PDE8B: variants seen among roughly 807,000 people sequenced by gnomAD.
PDE8B encodes phosphodiesterase 8B.
A neutral mutation model predicts 101.3 loss-of-function variants in PDE8B; 26 were observed. That is an observed-to-expected ratio of 0.26 (90% CI 0.19 to 0.36). The LOEUF is 0.36. Ranked by LOEUF, PDE8B falls within the 10% of genes least tolerant of loss-of-function variation. PDE8B has a pLI of 1.00. For synonymous variants in PDE8B, 424 were observed against 429.3 expected (o/e 0.99, Z 0.15); for missense variants, 810 against 1,163.1 (o/e 0.70, Z 4.42).
chr5:77,346,528 C>CTCCAGTTCT (rs1176040430), intron 7 of PDE8B, among the ~76,000 whole-genome samples: 1 of 152,158 alleles, frequency 6.6e-6, no homozygotes, highest in Admixed American at 6.5e-5. Flanking sequence ...CTCCAGTTAT[C>CTCCAGTTCT]AATTGGTGGT....
chr5:77,400,336 T>C (rs1791993696), intron 11 of PDE8B, 46 bp downstream of exon 11: 2 of 1,150,584 alleles, frequency 1.7e-6, no homozygotes, highest in African/African-American at 1.5e-5. Flanking sequence ...GAGGCAGCTG[T>C]GGGTTCAAAT....
chr5:77,236,956 C>T (rs1754817054), intron 1 of PDE8B, among the ~76,000 whole-genome samples: 1 of 152,098 alleles, frequency 6.6e-6, no homozygotes, highest in South Asian at 2.1e-4. Context: ...TATTTTGAAG[C>T]TCCGTTGTTT....
chr5:77,177,999 G>T, the PDE8B span, among the ~76,000 whole-genome samples: 1 of 152,152 alleles, frequency 6.6e-6, no homozygotes, highest in African/African-American at 2.4e-5. Flanking sequence ...CAGAACTCAG[G>T]CTAGTGGTTT....
chr5:77,361,122 C>T (rs1426337478), intron 10 of PDE8B, among the ~76,000 whole-genome samples: 2 of 152,190 alleles, frequency 1.3e-5, no homozygotes, highest in African/African-American at 4.8e-5. Flanking sequence ...GACATTTGTA[C>T]GTCTGTTTTA....
chr5:77,329,152 G>A, intron 4 of PDE8B, 95 bp downstream of exon 4: 2 of 928,920 alleles, frequency 2.2e-6, no homozygotes, highest in Non-Finnish European at 3.5e-6. Context: ...TAAGCAATGG[G>A]TGTGTCTTGG....
At chr5:77,393,196 C>T (rs1398154317) in intron 10 of PDE8B, among the ~76,000 whole-genome samples, 1 of 152,120 alleles carries the variant, frequency 6.6e-6, no homozygotes, top group African/African-American at 2.4e-5. Context: ...GAGTTGGAGA[C>T]TAGCTTGGCC....
At chr5:77,327,704 T>A (rs1048824116) in intron 3 of PDE8B, among the ~76,000 whole-genome samples, 3 of 152,232 alleles carry the variant, frequency 2.0e-5, no homozygotes, top group African/African-American at 7.2e-5. Flanking sequence ...GTGGGGTGGC[T>A]GACTGGGAAG....
chr5:77,163,981 C>G, the PDE8B span, among the ~76,000 whole-genome samples: 1 of 152,214 alleles, frequency 6.6e-6, no homozygotes, highest in South Asian at 2.1e-4. Flanking sequence ...AGGCCAACCT[C>G]TAATCTTACT....
At chr5:77,184,628 G>T in the PDE8B span, among the ~76,000 whole-genome samples, 1 of 152,134 alleles carries the variant, frequency 6.6e-6, no homozygotes, top group Non-Finnish European at 1.5e-5. Flanking sequence ...CTTTATGTGT[G>T]AGAAGTGGCT....
At chr5:77,322,826 C>T (rs930188122) in intron 2 of PDE8B, among the ~76,000 whole-genome samples, 7 of 150,084 alleles carry the variant, frequency 4.7e-5, no homozygotes, top group African/African-American at 1.5e-4. Context: ...TGTGCCTCTA[C>T]CACTACAATG....
the PDE8B span, chr5:77,144,420 TG>T: frequency 1.3e-5 from 2 of 152,304 alleles, no homozygotes; most frequent in African/African-American, 4.8e-5. Flanking sequence ...GAAAATTGCG[TG>T]GCTCCAAACG....
In PDE8B at chr5:77,211,349, G is replaced by T; in HGVS notation, c.339+85G>T. 1 of 1,328,238 alleles carries T rather than the reference G, an allele frequency of 7.5e-7. No individual in the cohort carries two copies. The highest frequency in any genetic ancestry group is 1.0e-6 in the Non-Finnish European group (1 of 983,466). 82.3% of individuals were successfully genotyped at this position (1,328,238 alleles called of 1,614,324 possible). A position where few individuals can be genotyped will look rare whatever the true frequency, so the allele number is the denominator to read the frequency against. ...ACGGGTAGGGGGCTCCGGCGGAGTTGGGTGACCGTGAGGCGGTTGGTTTGG... is the reference window on the plus strand; with the variant it reads ...ACGGGTAGGGGGCTCCGGCGGAGTTTGGTGACCGTGAGGCGGTTGGTTTGG... On this transcript the variant is annotated intron_variant, in intron 1 of 21. Coordinates refer to ENST00000264917, the MANE Select transcript of PDE8B (RefSeq NM_003719.5). This position sits in a 1 kb window ranked among gnomAD's most constrained non-coding sequence, Gnocchi z 4.1.
chr5:77,186,719 A>G, the PDE8B span, among the ~76,000 whole-genome samples: 1 of 152,180 alleles, frequency 6.6e-6, no homozygotes, highest in Non-Finnish European at 1.5e-5. Flanking sequence ...GCAAGAAAGA[A>G]TCCAGAAGGA....
At chr5:77,140,763 C>T in the PDE8B span, 1 of 152,264 alleles carries the variant, frequency 6.6e-6, no homozygotes, top group Non-Finnish European at 1.5e-5. Context: ...CTTCACTCAG[C>T]ACCCTCTCTC....
chr5:77,378,175 T>C (rs1178029936), intron 10 of PDE8B, among the ~76,000 whole-genome samples: 1 of 152,002 alleles, frequency 6.6e-6, no homozygotes, highest in Non-Finnish European at 1.5e-5. Context: ...GAAATGTAGG[T>C]ACTGGCCGGG....
chr5:77,397,499 C>A (rs1030635129), intron 10 of PDE8B, among the ~76,000 whole-genome samples: 1 of 152,126 alleles, frequency 6.6e-6, no homozygotes, highest in South Asian at 2.1e-4. Context: ...TCTCTCCCAC[C>A]TTTACACAAC....
the PDE8B span, among the ~76,000 whole-genome samples, chr5:77,129,497 A>G: frequency 1.3e-4 from 19 of 150,742 alleles, no homozygotes; most frequent in Admixed American, 1.2e-3. Flanking sequence ...TTTCTACCTT[A>G]GAAATGGATT....
At chr5:77,195,431 G>A in the PDE8B span, among the ~76,000 whole-genome samples, 273 of 152,190 alleles carry the variant, frequency 1.8e-3, 1 homozygote, top group African/African-American at 6.3e-3. Context: ...AAGGGTTGCA[G>A]TTTCCCCATA....
chr5:77,192,248 A>G, the PDE8B span, among the ~76,000 whole-genome samples: 1 of 152,148 alleles, frequency 6.6e-6, no homozygotes, highest in Admixed American at 6.5e-5. Context: ...GTCATCTTGT[A>G]ATGTGTCCAC....
Sources: allele counts gnomAD v4.1 joint callset (sites outside exome capture counted in the v4.1 genomes callset), GRCh38; gene constraint gnomAD v4.1.1; non-coding constraint Gnocchi (gnomAD v3.1); transcripts MANE v1.5; gene names NCBI Gene and HGNC (gene_info 2026-07-23, HGNC 2026-07-21).